C6orf58: variants seen among roughly 807,000 people sequenced by gnomAD.
C6orf58 encodes the protein chromosome 6 open reading frame 58.
C6orf58 carries 30 observed loss-of-function variants against 37.0 expected under a neutral mutation model. That is an observed-to-expected ratio of 0.81 (90% CI 0.61 to 1.10). The LOEUF is 1.10. Ranked by LOEUF, C6orf58 falls within the 50% of genes least tolerant of loss-of-function variation. The probability of loss-of-function intolerance (pLI) is 0.00; values close to 1 mark genes in which losing one functional copy is unlikely to be tolerated. For synonymous variants in C6orf58, 143 were observed against 134.1 expected (o/e 1.07, Z -0.46); for missense variants, 368 against 387.5 (o/e 0.95, Z 0.42).
intron 2 of C6orf58, among the ~76,000 whole-genome samples, chr6:127,579,269 T>C (rs1775023102): frequency 6.6e-6 from 1 of 152,166 alleles, no homozygotes; most frequent in South Asian, 2.1e-4. Context: ...CCAGAAGGTA[T>C]TTTCTAATTC....
intron 4 of C6orf58, among the ~76,000 whole-genome samples, chr6:127,587,094 C>A (rs142765715): frequency 4.0e-4 from 61 of 152,208 alleles, no homozygotes; most frequent in African/African-American, 1.3e-3. Context: ...ATTTAATTTT[C>A]TTGATTCTAT....
At chr6:127,579,819 T>C (rs780508927) in intron 2 of C6orf58, among the ~76,000 whole-genome samples, 1 of 152,100 alleles carries the variant, frequency 6.6e-6, no homozygotes, top group Non-Finnish European at 1.5e-5. Flanking sequence ...AACTTATGTG[T>C]ATAAAATAGA....
At chr6:127,585,406 AT>A (rs1775096794) in intron 4 of C6orf58, among the ~76,000 whole-genome samples, 1 of 152,206 alleles carries the variant, frequency 6.6e-6, no homozygotes, top group African/African-American at 2.4e-5. Flanking sequence ...ATAGTCATCC[AT>A]TTTAATCAGA....
chr6:127,585,937 A>G (rs1775101832), intron 4 of C6orf58, among the ~76,000 whole-genome samples: 1 of 152,146 alleles, frequency 6.6e-6, no homozygotes, highest in Non-Finnish European at 1.5e-5. Flanking sequence ...ACAAAACGAA[A>G]TATCCTCATA....
intron 4 of C6orf58, among the ~76,000 whole-genome samples, chr6:127,583,727 T>C (rs899129092): frequency 2.6e-5 from 4 of 152,206 alleles, no homozygotes; most frequent in Admixed American, 1.3e-4. Flanking sequence ...CTCTAGGTTC[T>C]AGAACATGGA....
At chr6:127,583,400 A>T (rs1346315382) in intron 4 of C6orf58, among the ~76,000 whole-genome samples, 2 of 152,184 alleles carry the variant, frequency 1.3e-5, no homozygotes, top group African/African-American at 4.8e-5. Flanking sequence ...ACAGAAAAGA[A>T]ACATGGGCCA....
chr6:127,588,889 G>A (rs540954430), intron 4 of C6orf58, among the ~76,000 whole-genome samples: 35 of 152,200 alleles, frequency 2.3e-4, no homozygotes, highest in African/African-American at 8.4e-4. Flanking sequence ...GTAGGTGACT[G>A]TAATGTATTA....
At chr6:127,578,542 A>T (rs1775013915) in intron 1 of C6orf58, 144 bp from the exon 2 acceptor site, 3 of 500,774 alleles carry the variant, frequency 6.0e-6, no homozygotes, top group Non-Finnish European at 1.1e-5. Flanking sequence ...AAAAGATAAA[A>T]AAAGAATGAT....
intron 2 of C6orf58, among the ~76,000 whole-genome samples, chr6:127,579,221 A>G (rs1775022419): frequency 6.6e-6 from 1 of 152,148 alleles, no homozygotes; most frequent in African/African-American, 2.4e-5. Flanking sequence ...ACCAATCAGT[A>G]ATCTCAGGCT....
intron 5 of C6orf58, among the ~76,000 whole-genome samples, chr6:127,591,215 C>G (rs1775159282): frequency 6.6e-6 from 1 of 151,962 alleles, no homozygotes; most frequent in South Asian, 2.1e-4. Flanking sequence ...CCAATTTATT[C>G]TGTTTAATAG....
In C6orf58 at chr6:127,591,579, A is replaced by G. The variant is rs1775163494; in HGVS notation, c.950A>G (p.Asp317Gly). The G allele has an allele frequency of 3.3e-6, 5 of 1,531,938 alleles. No homozygotes were observed. The highest frequency in any genetic ancestry group is 2.5e-5 in the East Asian group (1 of 39,916). 94.9% of individuals were successfully genotyped at this position (1,531,938 alleles called of 1,614,324 possible). Residue 317 changes from aspartate (D) to glycine (G), a missense_variant, in exon 6 of 6, where the codon GAT becomes GGT. Coordinates refer to ENST00000329722, the MANE Select transcript of C6orf58 (RefSeq NM_001010905.3). ...ACAGAAAAATCTAATGTATATAGAG[A>G]TCATTCGGAATCTAGCTCTAGAAGT... ...LCTEKSNVYR[D>G]HSESSSRSYG...
At chr6:127,589,192 T>C (rs1207116659) in intron 4 of C6orf58, among the ~76,000 whole-genome samples, 1 of 152,124 alleles carries the variant, frequency 6.6e-6, no homozygotes, top group Admixed American at 6.5e-5. Flanking sequence ...GTGGATGATA[T>C]AGTGTTATGG....
Position 127,591,723 on chromosome 6 carries a change from T to C in C6orf58, c.*101T>C. The stretch of plus-strand genomic sequence containing the variant: ...CAAAAAATTAATGTCATCATGACCA[T>C]GTAGTTTATTCTTTCTGATATTTTT... On this transcript the variant is annotated 3_prime_UTR_variant, in exon 6 of 6. Transcript: ENST00000329722. The C allele has an allele frequency of 1.9e-6, 2 of 1,030,328 alleles. No individual in the cohort carries two copies. The highest frequency in any genetic ancestry group is 2.6e-6 in the Non-Finnish European group (2 of 778,802). 63.8% of individuals were successfully genotyped at this position (1,030,328 alleles called of 1,614,324 possible).
chr6:127,578,231 C>T (rs973046831), intron 1 of C6orf58, among the ~76,000 whole-genome samples: 3 of 152,080 alleles, frequency 2.0e-5, no homozygotes, highest in African/African-American at 7.2e-5. Context: ...CTTTTTCTCA[C>T]CTCACATCAC....
intron 1 of C6orf58, 40 bp from the exon 2 acceptor site, chr6:127,578,646 T>G (rs754238062): frequency 2.1e-6 from 3 of 1,423,916 alleles, no homozygotes; most frequent in Non-Finnish European, 3.0e-6. Context: ...AGTTTCAAAA[T>G]GCGTATAATA....
At position 127,578,813 on chromosome 6, in the gene C6orf58, T is replaced by A. The variant is rs371986141; in HGVS notation, c.388+41T>A. 4 of 1,429,482 alleles carry A rather than the reference T, an allele frequency of 2.8e-6. No homozygotes were observed. The African/African-American group carries it at 4.2e-5, about 15-fold the overall frequency. 88.5% of individuals were successfully genotyped at this position (1,429,482 alleles called of 1,614,324 possible). A position where few individuals can be genotyped will look rare whatever the true frequency, so the allele number is the denominator to read the frequency against. ...TGGCAAAATAGATATTAACCTTTCC[T>A]GAAAGAAAGCATTCAAACCTAAAAT... On this transcript the variant is annotated intron_variant, in intron 2 of 5. Transcript: ENST00000329722.
In C6orf58 at chr6:127,578,546, G is replaced by T. The variant is rs371890767; in HGVS notation, c.302-140G>T. 31 of 510,034 alleles carry T rather than the reference G, an allele frequency of 6.1e-5. 1 individual carries two copies. Among genetic ancestry groups the T allele is most frequent in the East Asian group, 2.2e-4 (7 of 31,834 alleles). 31.6% of individuals were successfully genotyped at this position (510,034 alleles called of 1,614,324 possible). A position where few individuals can be genotyped will look rare whatever the true frequency, so the allele number is the denominator to read the frequency against. ...AACTAAAAAATAAAAGATAAAAAAAGAATGATGGGAATACAAACACATATC... is the reference window on the plus strand; with the variant it reads ...AACTAAAAAATAAAAGATAAAAAAATAATGATGGGAATACAAACACATATC... On this transcript the variant is annotated intron_variant, in intron 1 of 5. Coordinates refer to ENST00000329722, the MANE Select transcript of C6orf58 (RefSeq NM_001010905.3).
At chr6:127,580,940 T>C (rs1208841191) in intron 3 of C6orf58, among the ~76,000 whole-genome samples, 1 of 152,086 alleles carries the variant, frequency 6.6e-6, no homozygotes, top group Non-Finnish European at 1.5e-5. Context: ...GTATAAAATA[T>C]AAACTCTGAA....
intron 2 of C6orf58, 78 bp from the exon 3 acceptor site, chr6:127,580,187 G>T: frequency 2.7e-6 from 3 of 1,110,712 alleles, no homozygotes; most frequent in South Asian, 1.6e-5. Context: ...ATTTTTTTAT[G>T]ACTTATGCCT....
Sources: gnomAD v4.1 joint callset for allele counts (sites outside exome capture counted in the v4.1 genomes callset) on GRCh38, gnomAD v4.1.1 for gene constraint, MANE v1.5 for transcripts, NCBI Gene and HGNC (gene_info 2026-07-23, HGNC 2026-07-21) for gene names.